WDR36: variants seen among roughly 807,000 people sequenced by gnomAD.
The protein encoded by WDR36 is WD repeat domain 36.
Under a neutral mutation model 112.7 loss-of-function variants are expected in WDR36, and 63 were observed. The observed-to-expected ratio is 0.56, with a 90% CI of 0.46 to 0.69. WDR36 has a LOEUF of 0.69. WDR36 is among the 30% of genes least tolerant of loss of function. WDR36 has a pLI of 0.00. For synonymous variants in WDR36, 410 were observed against 362.2 expected, an observed-to-expected ratio of 1.13 and a Z score of -1.50; for missense variants, 1,226 against 1,070.3, an observed-to-expected ratio of 1.15 and a Z score of -2.03.
Position 111,123,658 on chromosome 5 carries a change from A to AAG in WDR36, c.2149-143_2149-142dup, listed in dbSNP as rs1352879303. ...TAAGGATAGCTGTGGTATTGGTCAG[A>AAG]AGAGATCATATTTTAACATTCTTAT... On this transcript the variant is annotated intron_variant, in intron 19 of 22. Coordinates refer to ENST00000513710, the MANE Select transcript of WDR36 (RefSeq NM_139281.3). The AAG allele has an allele frequency of 2.4e-5, 27 of 1,105,172 alleles. No homozygotes were observed. In the African/African-American group the frequency reaches 4.1e-4, roughly 17 times the overall value. The allele number at this position is 1,105,172 out of a possible 1,614,324, so 68.5% of individuals were successfully genotyped here.
intron 3 of WDR36, among the ~76,000 whole-genome samples, chr5:111,097,809 G>T (rs971320475): frequency 1.3e-5 from 2 of 152,214 alleles, no homozygotes; most frequent in African/African-American, 4.8e-5. Flanking sequence ...CCAAATGATA[G>T]TATCACTGTA....
intron 4 of WDR36, 89 bp downstream of exon 4, chr5:111,098,928 T>C (rs984546964): frequency 1.0e-6 from 1 of 972,670 alleles, no homozygotes; most frequent in African/African-American, 1.6e-5. Context: ...ATGCCAGAGA[T>C]TTTGCCTGTA....
At chr5:111,098,977 G>T (rs1330917059) in intron 4 of WDR36, 138 bp downstream of exon 4, 3 of 658,318 alleles carry the variant, frequency 4.6e-6, no homozygotes, top group Non-Finnish European at 7.9e-6. Flanking sequence ...TCTTTAACGT[G>T]TAAGAAAAAA....
At chr5:111,096,417 C>T (rs1372481582) in intron 2 of WDR36, among the ~76,000 whole-genome samples, 3 of 152,094 alleles carry the variant, frequency 2.0e-5, no homozygotes, top group Non-Finnish European at 4.4e-5. Flanking sequence ...AGAAGATACT[C>T]ACATGGGTTA....
rs746512761 is a variant in WDR36, at chr5:111,104,692, G to A, written c.907-5G>A. On this transcript the variant is annotated splice_polypyrimidine_tract_variant and splice_region_variant and intron_variant, in intron 8 of 22. Transcript: ENST00000513710. ...AGAAGAACTGACGTTTTTATTTCTT[G>A]GCAGATATGGATATTTGATGGTCCT... 2 of 1,610,736 alleles carry A rather than the reference G, an allele frequency of 1.2e-6. No homozygotes were observed. Among genetic ancestry groups the A allele is most frequent in the South Asian group, 2.2e-5 (2 of 91,030 alleles).
At chr5:111,107,950 G>T (rs936192410) in intron 12 of WDR36, among the ~76,000 whole-genome samples, 9 of 151,110 alleles carry the variant, frequency 6.0e-5, no homozygotes, top group Admixed American at 2.6e-4. Flanking sequence ...CTTTTTTCAA[G>T]ATTGTTTTGG....
chr5:111,108,388 C>T (rs1001976795), intron 12 of WDR36, among the ~76,000 whole-genome samples: 4 of 151,026 alleles, frequency 2.6e-5, no homozygotes, highest in Admixed American at 1.3e-4. Flanking sequence ...TAATAGATGC[C>T]TCTGCTTTTG....
At chr5:111,098,917 T>A in intron 4 of WDR36, 78 bp downstream of exon 4, 2 of 1,042,514 alleles carry the variant, frequency 1.9e-6, no homozygotes, top group Non-Finnish European at 3.0e-6. Context: ...TGTAAACATC[T>A]ATGCCAGAGA....
chr5:111,093,176 G>T lies in WDR36; in HGVS notation c.162+558G>T, dbSNP rs59118935. 5.4e-3 allele frequency among the ~76,000 whole-genome samples: 830 copies of T among 152,314 alleles called. 6 individuals are homozygous for T. Among genetic ancestry groups the T allele is most frequent in the African/African-American group, 0.016 (667 of 41,564 alleles). ...TTTGCAACATAGGTGTCATTATACC[G>T]TAGCACCTTTATATAATCTATTAAA... On this transcript the variant is annotated intron_variant, in intron 1 of 22. Transcript: ENST00000513710.
At chr5:111,119,792 C>A (rs573178826) in intron 17 of WDR36, among the ~76,000 whole-genome samples, 3 of 152,048 alleles carry the variant, frequency 2.0e-5, no homozygotes, top group East Asian at 3.9e-4. Flanking sequence ...TAGAAACAGA[C>A]CCTGTTCACC....
At position 111,104,278 on chromosome 5, in the gene WDR36, A is replaced by T. The variant is rs780516409; in HGVS notation, c.832A>T (p.Thr278Ser). The T allele has an allele frequency of 1.2e-6, 2 of 1,612,232 alleles. No homozygotes were observed. The highest frequency in any genetic ancestry group is 1.7e-4 in the Middle Eastern group (1 of 6,054). The change falls in exon 8 of 23, where the codon ACA becomes TCA. Residue 278 changes from threonine to serine, a missense_variant. Transcript: ENST00000513710. ...LINQMRNAHS[T>S]AIAGLTFLHR... ...CAACCAAATGAGAAATGCACACTCT[A>T]CAGCAATTGCCGGACTGACATTTCT...
At chr5:111,124,794 G>A (rs1406023114) in intron 21 of WDR36, among the ~76,000 whole-genome samples, 1 of 152,032 alleles carries the variant, frequency 6.6e-6, no homozygotes, top group Non-Finnish European at 1.5e-5. Flanking sequence ...TTTTCATACC[G>A]AGATTACTTG....
intron 6 of WDR36, among the ~76,000 whole-genome samples, chr5:111,102,788 G>A (rs370407967): frequency 7.9e-5 from 12 of 151,508 alleles, no homozygotes; most frequent in African/African-American, 2.9e-4. Flanking sequence ...TGAAGTAATT[G>A]GAGCCAAAAT....
intron 19 of WDR36, among the ~76,000 whole-genome samples, chr5:111,122,886 G>A (rs915854254): frequency 6.6e-6 from 1 of 152,140 alleles, no homozygotes; most frequent in African/African-American, 2.4e-5. Flanking sequence ...TGAAATGGTT[G>A]ATCATTTGAG....
At chr5:111,104,131 G>C (rs537519501) in intron 7 of WDR36, 46 bp from the exon 8 acceptor site, 3 of 1,536,716 alleles carry the variant, frequency 2.0e-6, no homozygotes, top group African/African-American at 2.8e-5. Context: ...GTTTATTTTG[G>C]GGGATCTAGA....
At position 111,113,052 on chromosome 5, in the gene WDR36, A is replaced by ATATATATATATATAT. The variant is rs35527062; in HGVS notation, c.1717-21_1717-20insATATATATATATATT. 5 of 455,804 alleles carry ATATATATATATATAT rather than the reference A, an allele frequency of 1.1e-5. No homozygotes were observed. In the African/African-American group the frequency reaches 1.3e-4, roughly 12 times the overall value. The allele number at this position is 455,804 out of a possible 1,614,324, so 28.2% of individuals were successfully genotyped here. ...ATATAAATAATATATATATATATAT[A>ATATATATATATATAT]TTTTTTTTTTTTAATTTAAAGGCTT... On this transcript the variant is annotated intron_variant, in intron 15 of 22. Coordinates refer to ENST00000513710, the MANE Select transcript of WDR36 (RefSeq NM_139281.3).
chr5:111,094,900 C>A lies in WDR36; in HGVS notation c.163-20C>A. On this transcript the variant is annotated intron_variant, in intron 1 of 22. Coordinates refer to ENST00000513710, the MANE Select transcript of WDR36 (RefSeq NM_139281.3). ...TTATGTTTGTTAATGAAAATTTAAC[C>A]TTTTTTCTTTTTTAAACAGGTTCAG... 2.5e-6 allele frequency: 4 copies of A among 1,584,020 alleles called. No individual in the cohort carries two copies. The highest frequency in any genetic ancestry group is 1.1e-5 in the South Asian group (1 of 88,522).
At position 111,124,157 on chromosome 5, in the gene WDR36, T is replaced by A; in HGVS notation, c.2318T>A (p.Leu773Ter). 6.2e-7 allele frequency: 1 copy of A among 1,612,770 alleles called. No individual in the cohort carries two copies. Among genetic ancestry groups the A allele is most frequent in the Non-Finnish European group, 8.5e-7 (1 of 1,179,490 alleles). Residue 773 changes from leucine to a stop codon, truncating the protein, a stop_gained, in exon 21 of 23, where the codon TTG becomes TAG. Coordinates refer to ENST00000513710, the MANE Select transcript of WDR36 (RefSeq NM_139281.3). LOFTEE classifies it high-confidence loss of function. ...GVLAQKSDFCLKLEEGLVNNK... is the reference protein window; with the variant it reads ...GVLAQKSDFC The stretch of plus-strand genomic sequence containing the variant: ...TTGGCTCAAAAATCAGATTTCTGCT[T>A]GAAACTTGAAGAAGGACTGGTAAAT...
chr5:111,127,003 A>AGTGCTAGCAT lies in WDR36; in HGVS notation c.*120_*121insGTGCTAGCAT. The stretch of plus-strand genomic sequence containing the variant: ...ATGCTAGCACTACTGACTAGTCAGT[A>AGTGCTAGCAT]TATCTCCACTTTAAATGCTAAATAC... On this transcript the variant is annotated 3_prime_UTR_variant, in exon 23 of 23. Coordinates refer to ENST00000513710, the MANE Select transcript of WDR36 (RefSeq NM_139281.3). The AGTGCTAGCAT allele has an allele frequency of 1.1e-6, 1 of 950,092 alleles. No individual in the cohort carries two copies. The highest frequency in any genetic ancestry group is 1.9e-5 in the South Asian group (1 of 52,262). 58.9% of individuals were successfully genotyped at this position (950,092 alleles called of 1,614,324 possible).
Sources: gnomAD v4.1 joint callset for allele counts (sites outside exome capture counted in the v4.1 genomes callset) on GRCh38, gnomAD v4.1.1 for gene constraint, MANE v1.5 for transcripts, NCBI Gene and HGNC (gene_info 2026-07-23, HGNC 2026-07-21) for gene names.